Variants in NFIA observed in about 807,000 individuals in gnomAD.
NFIA encodes nuclear factor I A.
NFIA carries 8 observed loss-of-function variants against 62.8 expected under a neutral mutation model. The observed-to-expected ratio is 0.13, with a 90% CI of 0.07 to 0.23. The LOEUF (loss-of-function observed/expected upper bound fraction) is 0.23. Ranked by LOEUF, NFIA falls within the 10% of genes least tolerant of loss-of-function variation. The pLI is 1.00. For missense variants in NFIA, 410 were observed against 642.1 expected (o/e 0.64, Z 3.91); for synonymous variants, 235 against 238.1 (o/e 0.99, Z 0.12).
At chr1:61,437,174 G>C (rs1484286356) in intron 10 of NFIA, among the ~76,000 whole-genome samples, 3 of 152,334 alleles carry the variant, frequency 2.0e-5, no homozygotes, top group South Asian at 4.1e-4. Context: ...CTGTTGCCTT[G>C]ACTAGTGAAG....
intron 2 of NFIA, among the ~76,000 whole-genome samples, chr1:61,123,531 A>G (rs1010096615): frequency 2.0e-5 from 3 of 152,224 alleles, no homozygotes; most frequent in African/African-American, 7.2e-5. Context: ...TGAGTGTTTC[A>G]GTGAAATGAC....
In NFIA at chr1:61,082,741, C is replaced by T; in HGVS notation, c.-51C>T. The stretch of plus-strand genomic sequence containing the variant: ...CCTCTCTCACCCACACTCACGCACA[C>T]CTCCAAACCGCACACCCAGACGCAC... On this transcript the variant is annotated 5_prime_UTR_variant, in exon 1 of 11. Coordinates refer to ENST00000403491, the MANE Select transcript of NFIA (RefSeq NM_001134673.4). The T allele has an allele frequency of 6.4e-7, 1 of 1,551,930 alleles. No homozygotes were observed. The highest frequency in any genetic ancestry group is 8.7e-7 in the Non-Finnish European group (1 of 1,147,108).
intron 2 of NFIA, among the ~76,000 whole-genome samples, chr1:61,172,025 C>T (rs986024273): frequency 1.3e-5 from 2 of 152,156 alleles, no homozygotes; most frequent in Non-Finnish European, 2.9e-5. Flanking sequence ...ACTTCAACCT[C>T]AGGGGAGAAA....
intron 10 of NFIA, among the ~76,000 whole-genome samples, chr1:61,453,442 A>AGTTTTTTTTTTT (rs1557451690): frequency 7.5e-6 from 1 of 132,468 alleles, no homozygotes; most frequent in African/African-American, 2.8e-5. Flanking sequence ...GTGTGAAGAA[A>AGTTTTTTTTTTT]CTTTTTTTTT....
At position 61,328,847 on chromosome 1, in the gene NFIA, T is replaced by C. The variant is rs139045611; in HGVS notation, c.626-3665T>C. ...AAATGATTCTCCTGCCTCAGCTTCC[T>C]GAATAGCTGGGATTACAGGTACACG... On this transcript the variant is annotated intron_variant, in intron 3 of 10. Transcript: ENST00000403491. Among the ~76,000 whole-genome samples the C allele has an allele frequency of 3.2e-3, 489 of 151,020 alleles. 3 individuals carry two copies. Among genetic ancestry groups the C allele is most frequent in the African/African-American group, 0.011 (472 of 41,078 alleles).
At chr1:61,216,333 T>A (rs1171499481) in intron 2 of NFIA, among the ~76,000 whole-genome samples, 1 of 152,092 alleles carries the variant, frequency 6.6e-6, no homozygotes, top group Non-Finnish European at 1.5e-5. Flanking sequence ...GGTTTCAATT[T>A]TTATCTGTCA....
intron 2 of NFIA, among the ~76,000 whole-genome samples, chr1:61,118,659 AGTGTGT>A (rs5774536): frequency 0.028 from 4,061 of 145,214 alleles, 70 homozygotes; most frequent in East Asian, 0.086. Flanking sequence ...GGTCGGGATG[AGTGTGT>A]GTGTGTGTGT....
At chr1:61,346,013 A>G (rs1290018078) in intron 4 of NFIA, among the ~76,000 whole-genome samples, 5 of 152,100 alleles carry the variant, frequency 3.3e-5, no homozygotes. Flanking sequence ...TGACTTAATC[A>G]AGTAAACAGG....
chr1:61,094,574 G>A (rs1646378980), intron 2 of NFIA, among the ~76,000 whole-genome samples: 2 of 152,154 alleles, frequency 1.3e-5, no homozygotes, highest in Non-Finnish European at 2.9e-5. Context: ...CAGAAAAGGG[G>A]CCATGGAGAT....
At chr1:61,403,427 A>G (rs527568567) in intron 7 of NFIA, among the ~76,000 whole-genome samples, 1 of 152,196 alleles carries the variant, frequency 6.6e-6, no homozygotes, top group African/African-American at 2.4e-5. Flanking sequence ...ATCAGTTTTT[A>G]TGGGCACAGG....
intron 7 of NFIA, among the ~76,000 whole-genome samples, chr1:61,383,652 T>C (rs1020167287): frequency 6.6e-6 from 1 of 152,218 alleles, no homozygotes; most frequent in Non-Finnish European, 1.5e-5. Context: ...TCAAATCTGT[T>C]CTACAAGTTG....
intron 7 of NFIA, among the ~76,000 whole-genome samples, chr1:61,387,185 G>C (rs1188779537): frequency 1.3e-5 from 2 of 152,106 alleles, no homozygotes; most frequent in Non-Finnish European, 2.9e-5. Flanking sequence ...GCTGGTGTCT[G>C]AATCTCTGTC....
chr1:61,152,258 C>T (rs34296612), intron 2 of NFIA, among the ~76,000 whole-genome samples: 5,530 of 152,204 alleles, frequency 0.036, 211 homozygotes, highest in Non-Finnish European at 0.049. Context: ...TGCTGCACTG[C>T]GCCAGACTGA....
intron 2 of NFIA, among the ~76,000 whole-genome samples, chr1:61,173,808 C>T (rs1262523691): frequency 1.3e-5 from 2 of 152,158 alleles, no homozygotes; most frequent in Admixed American, 1.3e-4. Context: ...TAGCCCTGCC[C>T]ATTTCCAGCT....
At chr1:61,365,300 A>AT (rs1203164529) in intron 6 of NFIA, among the ~76,000 whole-genome samples, 13 of 152,248 alleles carry the variant, frequency 8.5e-5, no homozygotes, top group African/African-American at 2.4e-4. Flanking sequence ...CAAAGCACTG[A>AT]TTTAGGCTGC....
intron 2 of NFIA, among the ~76,000 whole-genome samples, chr1:61,163,730 T>G (rs1193010156): frequency 2.6e-5 from 4 of 152,202 alleles, no homozygotes; most frequent in Admixed American, 2.0e-4. Flanking sequence ...CAGAAAATAC[T>G]TTGTTGGTTT....
At chr1:61,139,719 T>A in intron 2 of NFIA, among the ~76,000 whole-genome samples, 1 of 152,120 alleles carries the variant, frequency 6.6e-6, no homozygotes, top group East Asian at 1.9e-4. Flanking sequence ...CACTGCTACC[T>A]AAATTACACC....
intron 2 of NFIA, among the ~76,000 whole-genome samples, chr1:61,217,427 C>T (rs559725230): frequency 6.6e-6 from 1 of 152,134 alleles, no homozygotes; most frequent in East Asian, 1.9e-4. Context: ...CATAATTATG[C>T]CCAGAAGAGA....
intron 3 of NFIA, among the ~76,000 whole-genome samples, chr1:61,292,856 A>G (rs72664901): frequency 0.02 from 2,980 of 152,288 alleles, 40 homozygotes; most frequent in Non-Finnish European, 0.028. Context: ...GCTTACAGCA[A>G]AAGTTTTCTT....
Sources: gnomAD v4.1 joint callset for allele counts (sites outside exome capture counted in the v4.1 genomes callset) on GRCh38, gnomAD v4.1.1 for gene constraint, MANE v1.5 for transcripts, NCBI Gene and HGNC (gene_info 2026-07-23, HGNC 2026-07-21) for gene names.